The following NRXN3 variants were observed in gnomAD, a reference collection of about 807,000 sequenced individuals.
NRXN3 encodes neurexin III.
NRXN3 carries 32 observed loss-of-function variants against 137.6 expected under a neutral mutation model. That is an observed-to-expected ratio of 0.23 (90% CI 0.18 to 0.31). NRXN3 has a LOEUF of 0.31. NRXN3 is among the 10% of genes least tolerant of loss of function. NRXN3 has a pLI of 1.00. For missense variants in NRXN3, 1,574 were observed against 2,062.5 expected (o/e 0.76, Z 4.59); for synonymous variants, 798 against 784.5 (o/e 1.02, Z -0.29).
chr14:78,274,644 T>A (rs886105419), intron 2 of NRXN3, among the ~76,000 whole-genome samples: 2 of 152,216 alleles, frequency 1.3e-5, no homozygotes, highest in South Asian at 2.1e-4. Context: ...GCATATGCAC[T>A]TGTGGCTGAA....
chr14:78,563,567 A>G (rs899288276), intron 4 of NRXN3, among the ~76,000 whole-genome samples: 2 of 152,218 alleles, frequency 1.3e-5, no homozygotes, highest in Admixed American at 6.5e-5. Flanking sequence ...AAGCACAGGT[A>G]ACCTCTAGTC....
At chr14:78,679,225 T>A (rs961904337) in intron 6 of NRXN3, among the ~76,000 whole-genome samples, 3 of 152,206 alleles carry the variant, frequency 2.0e-5, no homozygotes, top group Admixed American at 2.0e-4. Context: ...GAAATCCTTA[T>A]CTTCTCTCTA....
chr14:79,360,451 T>C (rs901649038), intron 15 of NRXN3, among the ~76,000 whole-genome samples: 4 of 152,220 alleles, frequency 2.6e-5, no homozygotes, highest in Non-Finnish European at 5.9e-5. Context: ...TCATGGAAAG[T>C]TATTCCAATA....
At chr14:78,965,150 C>G (rs75258914) in intron 11 of NRXN3, among the ~76,000 whole-genome samples, 149 of 152,270 alleles carry the variant, frequency 9.8e-4, no homozygotes, top group African/African-American at 3.4e-3. Flanking sequence ...AAAGAATCCT[C>G]TTTCCTAAGT....
At chr14:79,125,982 G>C (rs1596242691) in intron 15 of NRXN3, among the ~76,000 whole-genome samples, 2 of 151,978 alleles carry the variant, frequency 1.3e-5, no homozygotes, top group African/African-American at 4.8e-5. Context: ...TATTTTTTCA[G>C]TTATCTTACT....
chr14:79,071,098 T>C (rs1452186393), intron 15 of NRXN3, among the ~76,000 whole-genome samples: 1 of 151,838 alleles, frequency 6.6e-6, no homozygotes, highest in Admixed American at 6.5e-5. Flanking sequence ...CTTTGGACAG[T>C]GGACTTCTTG....
chr14:79,041,717 T>TATC (rs1486344222), intron 15 of NRXN3, among the ~76,000 whole-genome samples: 3 of 152,200 alleles, frequency 2.0e-5, no homozygotes, highest in Non-Finnish European at 2.9e-5. Context: ...TGAAGTATTA[T>TATC]ATCATAATGG....
chr14:79,282,686 T>C (rs1363002288), intron 15 of NRXN3, among the ~76,000 whole-genome samples: 1 of 152,122 alleles, frequency 6.6e-6, no homozygotes, highest in Admixed American at 6.5e-5. Context: ...AGAAAGTAAG[T>C]AAATGGCTAG....
intron 19 of NRXN3, among the ~76,000 whole-genome samples, chr14:79,713,739 T>G (rs2098814227): frequency 6.7e-6 from 1 of 149,480 alleles, no homozygotes. Context: ...GAGCCCTTAT[T>G]TTTTTTTTCA....
intron 16 of NRXN3, among the ~76,000 whole-genome samples, chr14:79,475,836 G>T (rs1260803212): frequency 3.3e-5 from 5 of 152,232 alleles, no homozygotes; most frequent in African/African-American, 1.2e-4. Flanking sequence ...GGATATTACT[G>T]ATTTAAAGAC....
intron 16 of NRXN3, among the ~76,000 whole-genome samples, chr14:79,491,166 C>T (rs1189370601): frequency 6.6e-6 from 1 of 151,946 alleles, no homozygotes; most frequent in Non-Finnish European, 1.5e-5. Flanking sequence ...AGTCAGAATC[C>T]AAAATTTAGT....
At chr14:78,999,968 A>C (rs1480156592) in intron 15 of NRXN3, among the ~76,000 whole-genome samples, 1 of 152,236 alleles carries the variant, frequency 6.6e-6, no homozygotes, top group Non-Finnish European at 1.5e-5. Flanking sequence ...TCAGTACTAC[A>C]TGATTGAAGA....
intron 16 of NRXN3, among the ~76,000 whole-genome samples, chr14:79,524,673 T>A (rs1299148774): frequency 6.6e-6 from 1 of 152,220 alleles, no homozygotes; most frequent in African/African-American, 2.4e-5. Context: ...AGTTTTTCCC[T>A]TGGCCTTCCA....
At chr14:78,181,784 G>A (rs1383687425) in intron 1 of NRXN3, among the ~76,000 whole-genome samples, 1 of 152,204 alleles carries the variant, frequency 6.6e-6, no homozygotes, top group African/African-American at 2.4e-5. Context: ...AGCTGTCACA[G>A]AATAGAGAAT....
At chr14:78,174,653 G>A (rs534057366) in intron 1 of NRXN3, among the ~76,000 whole-genome samples, 107 of 152,282 alleles carry the variant, frequency 7.0e-4, no homozygotes, top group African/African-American at 2.1e-3. Flanking sequence ...GGATATGTGC[G>A]TATCCAGCCT....
At chr14:79,168,958 A>C (rs1267246025) in intron 15 of NRXN3, among the ~76,000 whole-genome samples, 2 of 152,064 alleles carry the variant, frequency 1.3e-5, no homozygotes, top group Non-Finnish European at 2.9e-5. Context: ...TCTCTGATTC[A>C]TGTGATGTTC....
At chr14:78,297,961 G>A (rs2076511065) in intron 4 of NRXN3, 101 bp downstream of exon 4, 2 of 1,391,736 alleles carry the variant, frequency 1.4e-6, no homozygotes, top group Non-Finnish European at 2.0e-6. Context: ...GCCATTCGCT[G>A]CCTGTCCTTC....
chr14:79,532,520 T>C (rs911431355), intron 16 of NRXN3, among the ~76,000 whole-genome samples: 2 of 151,720 alleles, frequency 1.3e-5, no homozygotes, highest in East Asian at 3.9e-4. Context: ...AGCCTAGGGG[T>C]GGTTTGCTGA....
chr14:79,663,940 T>C lies in NRXN3; in HGVS notation c.3607T>C (p.Tyr1203His), dbSNP rs774832345. Residue 1203 changes from tyrosine to histidine, a missense_variant, in exon 17 of 21, where the codon TAT becomes CAT. Physicochemically the swap from Tyr to His is moderately conservative, Grantham distance 83. Coordinates refer to ENST00000335750, the MANE Select transcript of NRXN3 (RefSeq NM_001330195.2). Reference protein sequence around the residue: ...QVDNWPVNEHYPTGNTDNERF... With the variant: ...QVDNWPVNEHHPTGNTDNERF... The stretch of plus-strand genomic sequence containing the variant: ...GGACAACTGGCCAGTGAATGAACAT[T>C]ATCCTACAGGTACATGTTGTTCGCT... 1.1e-5 allele frequency: 17 copies of C among 1,613,250 alleles called. No homozygotes were observed. The highest frequency in any genetic ancestry group is 6.7e-5 in the East Asian group (3 of 44,842).
Sources: gnomAD v4.1 joint callset for allele counts (sites outside exome capture counted in the v4.1 genomes callset) on GRCh38, gnomAD v4.1.1 for gene constraint, MANE v1.5 for transcripts, NCBI Gene and HGNC (gene_info 2026-07-23, HGNC 2026-07-21) for gene names.